The following NAV3 variants were observed in gnomAD, a reference collection of about 807,000 sequenced individuals.
NAV3 encodes the protein pore membrane and/or filament interacting like protein 1.
A neutral mutation model predicts 244.7 loss-of-function variants in NAV3; 87 were observed. The ratio of observed to expected loss-of-function variants is 0.36; its 90% CI spans 0.30 to 0.42. The LOEUF is 0.42. Ranked by LOEUF, NAV3 falls within the 20% of genes least tolerant of loss-of-function variation. The pLI is 1.00. For missense variants in NAV3, 2,663 were observed against 2,893.3 expected (o/e 0.92, Z 1.83); for synonymous variants, 1,126 against 1,042.2 (o/e 1.08, Z -1.55).
At chr12:77,994,621 A>C (rs915166037) in intron 5 of NAV3, among the ~76,000 whole-genome samples, 182 bp from the exon 6 acceptor site, 3 of 152,208 alleles carry the variant, frequency 2.0e-5, no homozygotes, top group African/African-American at 7.2e-5. Flanking sequence ...TAGTACATTC[A>C]TAATCAAAGG....
intron 2 of NAV3, among the ~76,000 whole-genome samples, chr12:77,625,919 A>G (rs923485184): frequency 2.6e-5 from 4 of 152,224 alleles, no homozygotes; most frequent in Non-Finnish European, 2.9e-5. Context: ...CTCAAAAGGA[A>G]CACAATGATT....
At chr12:77,771,015 C>T (rs1406174635) in intron 2 of NAV3, among the ~76,000 whole-genome samples, 2 of 152,172 alleles carry the variant, frequency 1.3e-5, no homozygotes, top group Non-Finnish European at 2.9e-5. Context: ...ACCTGCTCAT[C>T]TGACAAAGGG....
intron 2 of NAV3, among the ~76,000 whole-genome samples, chr12:77,632,326 A>C (rs566775455): frequency 1.3e-5 from 2 of 152,292 alleles, no homozygotes; most frequent in South Asian, 4.1e-4. Flanking sequence ...CACATACCCA[A>C]GACTGGGAAG....
At chr12:77,754,145 A>C (rs1182063702) in intron 2 of NAV3, among the ~76,000 whole-genome samples, 1 of 152,166 alleles carries the variant, frequency 6.6e-6, no homozygotes, top group Non-Finnish European at 1.5e-5. Flanking sequence ...ATAATTTCAT[A>C]TAATAATGAG....
intron 2 of NAV3, among the ~76,000 whole-genome samples, chr12:77,717,091 T>C (rs781634181): frequency 2.0e-5 from 3 of 152,068 alleles, no homozygotes; most frequent in Non-Finnish European, 2.9e-5. Context: ...TTATCGAGCA[T>C]CTCTGACTTT....
At chr12:77,951,442 G>T (rs1390744988) in intron 3 of NAV3, among the ~76,000 whole-genome samples, 1 of 152,182 alleles carries the variant, frequency 6.6e-6, no homozygotes, top group East Asian at 1.9e-4. Context: ...AGGATGTGGA[G>T]AAATGGGAAC....
At chr12:77,633,407 T>C (rs1478266038) in intron 2 of NAV3, among the ~76,000 whole-genome samples, 1 of 152,116 alleles carries the variant, frequency 6.6e-6, no homozygotes. Flanking sequence ...TATAATTGTA[T>C]ATCAAGTGTT....
intron 12 of NAV3, among the ~76,000 whole-genome samples, chr12:78,082,960 C>T (rs532868120): frequency 3.3e-5 from 5 of 152,272 alleles, no homozygotes; most frequent in African/African-American, 9.6e-5. Context: ...CATCACCTCT[C>T]CTCTGAAAGA....
chr12:77,617,090 A>C (rs1871170011), intron 2 of NAV3, among the ~76,000 whole-genome samples: 1 of 152,146 alleles, frequency 6.6e-6, no homozygotes, highest in Non-Finnish European at 1.5e-5. Flanking sequence ...AGTTTTTCTC[A>C]TTGAGTTTCA....
intron 1 of NAV3, among the ~76,000 whole-genome samples, chr12:77,858,355 A>G (rs1447330457): frequency 1.3e-5 from 2 of 152,088 alleles, no homozygotes; most frequent in Non-Finnish European, 2.9e-5. Context: ...CAAAATACAA[A>G]TGTTCCAGGA....
At chr12:78,099,303 A>G (rs1954420628) in intron 12 of NAV3, among the ~76,000 whole-genome samples, 1 of 151,750 alleles carries the variant, frequency 6.6e-6, no homozygotes, top group Admixed American at 6.6e-5. Flanking sequence ...TAAAATAATT[A>G]TAAGGTAATA....
At chr12:78,172,711 T>C (rs1958055749) in intron 24 of NAV3, among the ~76,000 whole-genome samples, 1 of 151,542 alleles carries the variant, frequency 6.6e-6, no homozygotes, top group African/African-American at 2.4e-5. Flanking sequence ...GGAAAATAAA[T>C]TAGTTCCTTT....
At position 78,142,819 on chromosome 12, in the gene NAV3, G is replaced by A. The variant is rs558741726; in HGVS notation, c.4683+2485G>A. 5.3e-5 allele frequency among the ~76,000 whole-genome samples: 8 copies of A among 151,186 alleles called. No individual in the cohort carries two copies. In the South Asian group the frequency reaches 1.7e-3, roughly 32 times the overall value. ...AGTAAAGAATGGATTAGGTGATCGA[G>A]CCACATGAGAAGGTGATATTATTAG... On this transcript the variant is annotated intron_variant, in intron 20 of 39. Transcript: ENST00000397909.
chr12:78,056,728 C>CA (rs980120230), intron 11 of NAV3, among the ~76,000 whole-genome samples: 49 of 150,836 alleles, frequency 3.2e-4, no homozygotes, highest in Admixed American at 1.7e-3. Flanking sequence ...GACTCTATCT[C>CA]AAAAAAAACG....
At chr12:78,002,734 T>C (rs1354788777) in intron 7 of NAV3, among the ~76,000 whole-genome samples, 3 of 152,134 alleles carry the variant, frequency 2.0e-5, no homozygotes, top group South Asian at 4.1e-4. Context: ...TTAATACTTA[T>C]ATAAGCCTAA....
intron 3 of NAV3, 62 bp downstream of exon 3, chr12:77,941,195 T>C: frequency 9.8e-7 from 1 of 1,019,864 alleles, no homozygotes. Context: ...TTAATTGCAT[T>C]TGTAAATGGA....
At chr12:77,945,046 A>C (rs749030176) in intron 3 of NAV3, among the ~76,000 whole-genome samples, 3 of 152,314 alleles carry the variant, frequency 2.0e-5, no homozygotes, top group Non-Finnish European at 2.9e-5. Flanking sequence ...CGTGTTAAAA[A>C]GTAACTCAGA....
intron 26 of NAV3, 38 bp downstream of exon 26, chr12:78,176,497 A>T (rs772756758): frequency 3.7e-6 from 6 of 1,607,410 alleles, no homozygotes; most frequent in East Asian, 2.2e-5. Context: ...ATGCATCTAT[A>T]AAAAAACCCT....
At chr12:77,839,934 G>T (rs923342217) in intron 1 of NAV3, among the ~76,000 whole-genome samples, 1 of 152,094 alleles carries the variant, frequency 6.6e-6, no homozygotes, top group African/African-American at 2.4e-5. Flanking sequence ...TTAGCCAGGC[G>T]TGGTGGCAAG....
Sources: allele counts gnomAD v4.1 joint callset (sites outside exome capture counted in the v4.1 genomes callset), GRCh38; gene constraint gnomAD v4.1.1; transcripts MANE v1.5; gene names NCBI Gene and HGNC (gene_info 2026-07-23, HGNC 2026-07-21).